Variants in HIVEP2 observed in about 807,000 individuals in gnomAD.
The protein encoded by HIVEP2 is transcription factor HIVEP2.
A neutral mutation model predicts 180.7 loss-of-function variants in HIVEP2; 14 were observed. That is an observed-to-expected ratio of 0.08 (90% confidence interval 0.05 to 0.12). The LOEUF (loss-of-function observed/expected upper bound fraction) is 0.12, where lower values mean the gene tolerates loss of function less well. HIVEP2 is among the 10% of genes least tolerant of loss of function. The pLI is 1.00. For missense variants in HIVEP2, 2,579 were observed against 3,008.5 expected (o/e 0.86, Z 3.34); for synonymous variants, 1,184 against 1,136.4 (o/e 1.04, Z -0.84).
intron 3 of HIVEP2, among the ~76,000 whole-genome samples, chr6:142,776,483 C>T (rs1207573869): frequency 2.0e-5 from 3 of 152,202 alleles, no homozygotes; most frequent in Admixed American, 2.0e-4. Flanking sequence ...TAAATGTAAT[C>T]AGCCTAGTTC....
chr6:142,841,129 A>G (rs995852288), intron 1 of HIVEP2, among the ~76,000 whole-genome samples: 3 of 152,022 alleles, frequency 2.0e-5, no homozygotes, highest in Admixed American at 2.0e-4. Context: ...TTAATTTTTT[A>G]TACATTTTTT....
At chr6:142,793,114 A>G (rs1323944491) in intron 2 of HIVEP2, among the ~76,000 whole-genome samples, 2 of 152,192 alleles carry the variant, frequency 1.3e-5, no homozygotes, top group Non-Finnish European at 2.9e-5. Context: ...CTTTTTTCTG[A>G]GTCAATAACC....
chr6:142,802,567 A>G (rs1283968783), intron 2 of HIVEP2, among the ~76,000 whole-genome samples: 1 of 152,212 alleles, frequency 6.6e-6, no homozygotes, highest in African/African-American at 2.4e-5. Flanking sequence ...TCATGTTCAC[A>G]GCTCTAATTC....
rs1415189143 is a variant in HIVEP2, at chr6:142,773,266, G to A, written c.1473C>T (p.Ser491=). Residue 491 remains serine (S), a synonymous_variant, in exon 5 of 10, where the codon AGC becomes AGT. Coordinates refer to ENST00000367603, the MANE Select transcript of HIVEP2 (RefSeq NM_006734.4). Reference sequence around the variant, plus strand: ...TGTTGAACTTAGTGGATTTCAGCATGCTCGTTTGACTGGGGTCGACATCTC... The same window carrying A: ...TGTTGAACTTAGTGGATTTCAGCATACTCGTTTGACTGGGGTCGACATCTC... The part of the protein sequence containing the change: ...SKGDVDPSQT[S]MLKSTKFNSE... 3 of 1,614,084 alleles carry A rather than the reference G, an allele frequency of 1.9e-6. No homozygotes were observed. In the African/African-American group the frequency reaches 4.0e-5, roughly 22 times the overall value.
chr6:142,811,728 A>C (rs748151561), intron 2 of HIVEP2, among the ~76,000 whole-genome samples: 1 of 152,224 alleles, frequency 6.6e-6, no homozygotes, highest in Non-Finnish European at 1.5e-5. Flanking sequence ...CCCCATGTTA[A>C]GTGTGTACAC....
chr6:142,793,663 C>CTTTCTTTCTTTCTTTCTTTTTTT (rs1303826710), intron 2 of HIVEP2, among the ~76,000 whole-genome samples: 13 of 109,470 alleles, frequency 1.2e-4, no homozygotes, highest in Admixed American at 4.5e-4. Flanking sequence ...TTTCTTTTTT[C>CTTTCTTTCTTTCTTTCTTTTTTT]TTTCTTTCTT....
Position 142,753,264 on chromosome 6 carries a change from T to C in HIVEP2, c.7184A>G (p.Asp2395Gly). 1 of 1,614,220 alleles carries C rather than the reference T, an allele frequency of 6.2e-7. No homozygotes were observed. Among genetic ancestry groups the C allele is most frequent in the Non-Finnish European group, 8.5e-7 (1 of 1,180,050 alleles). ...THPDLHDGEK[D>G]NFGTSQTPLA... is the part of the protein sequence containing the mutation. Reference sequence around the variant, plus strand: ...TGGAGTCTGTGATGTACCAAAATTGTCCTTTTCACCATCATGCAAGTCAGG... The same window carrying C: ...TGGAGTCTGTGATGTACCAAAATTGCCCTTTTCACCATCATGCAAGTCAGG... The change falls in exon 10 of 10, where the codon GAC (aspartate) becomes GGC (glycine). Residue 2395 changes from aspartate to glycine, a missense_variant. Asp to Gly is a moderately conservative substitution (Grantham distance 94). Coordinates refer to ENST00000367603, the MANE Select transcript of HIVEP2 (RefSeq NM_006734.4).
In HIVEP2 at chr6:142,757,791, A is replaced by G. The variant is rs1481090423; in HGVS notation, c.6516+1981T>C. ...TAACTTTCTGGGCATGTATCTAAAA[A>G]TCAGATGAACTCCCTTAGTCCACTC... On this transcript the variant is annotated intron_variant, in intron 9 of 9. Coordinates refer to ENST00000367603, the MANE Select transcript of HIVEP2 (RefSeq NM_006734.4). 2.0e-5 allele frequency among the ~76,000 whole-genome samples: 3 copies of G among 152,242 alleles called. 1 individual carries two copies. The highest frequency in any genetic ancestry group is 7.2e-5 in the African/African-American group (3 of 41,472).
At chr6:142,929,176 A>G (rs1231287835) in intron 1 of HIVEP2, among the ~76,000 whole-genome samples, 1 of 152,190 alleles carries the variant, frequency 6.6e-6, no homozygotes. Flanking sequence ...ATGGTATACA[A>G]TTAGCACTCC....
At chr6:142,824,914 T>C (rs910063935) in intron 2 of HIVEP2, among the ~76,000 whole-genome samples, 1 of 152,188 alleles carries the variant, frequency 6.6e-6, no homozygotes, top group Non-Finnish European at 1.5e-5. Context: ...GGCATTTCCC[T>C]ACCCGACACT....
chr6:142,889,065 T>C (rs1013815949), intron 1 of HIVEP2, among the ~76,000 whole-genome samples: 1 of 152,222 alleles, frequency 6.6e-6, no homozygotes, highest in South Asian at 2.1e-4. Flanking sequence ...TTGAGCTCCT[T>C]AAGGTCAGAG....
At chr6:142,782,720 T>C (rs915638208) in intron 3 of HIVEP2, among the ~76,000 whole-genome samples, 10 of 152,344 alleles carry the variant, frequency 6.6e-5, no homozygotes, top group African/African-American at 2.4e-4. Flanking sequence ...AATTAAAATC[T>C]AATTTGATAT....
At chr6:142,781,408 C>T (rs951412293) in intron 3 of HIVEP2, among the ~76,000 whole-genome samples, 1 of 152,166 alleles carries the variant, frequency 6.6e-6, no homozygotes, top group Non-Finnish European at 1.5e-5. Context: ...TTTGCATTCA[C>T]AGTTAAAATT....
intron 1 of HIVEP2, among the ~76,000 whole-genome samples, chr6:142,862,940 A>G (rs1776039200): frequency 7.4e-6 from 1 of 135,552 alleles, no homozygotes; most frequent in Non-Finnish European, 1.5e-5. Context: ...TGTACTTTAC[A>G]TATAATATAA....
At chr6:142,780,069 A>C (rs1338819615) in intron 3 of HIVEP2, among the ~76,000 whole-genome samples, 3 of 152,232 alleles carry the variant, frequency 2.0e-5, no homozygotes, top group Non-Finnish European at 4.4e-5. Context: ...TTAACATAGG[A>C]TCTTTCTATA....
intron 3 of HIVEP2, among the ~76,000 whole-genome samples, chr6:142,781,705 G>A (rs1161589991): frequency 6.6e-6 from 1 of 152,142 alleles, no homozygotes; most frequent in Non-Finnish European, 1.5e-5. Flanking sequence ...CTAGAAGTGT[G>A]CCCTCTCCTT....
intron 9 of HIVEP2, among the ~76,000 whole-genome samples, chr6:142,757,435 C>T (rs531242736): frequency 2.3e-4 from 35 of 152,214 alleles, no homozygotes; most frequent in East Asian, 3.9e-4. Flanking sequence ...CCGAGGCAGG[C>T]GGATCATGAG....
chr6:142,908,442 G>A (rs1452657682), intron 1 of HIVEP2, among the ~76,000 whole-genome samples: 1 of 152,086 alleles, frequency 6.6e-6, no homozygotes, highest in Admixed American at 6.6e-5. Flanking sequence ...AGTAAAATGA[G>A]TTAGTCATGC....
chr6:142,756,622 T>G (rs1349230333), intron 9 of HIVEP2, among the ~76,000 whole-genome samples: 1 of 152,102 alleles, frequency 6.6e-6, no homozygotes, highest in African/African-American at 2.4e-5. Flanking sequence ...GGACACACCT[T>G]TGTTTCTCTT....
Sources: allele counts gnomAD v4.1 joint callset (sites outside exome capture counted in the v4.1 genomes callset), GRCh38; gene constraint gnomAD v4.1.1; transcripts MANE v1.5; gene names NCBI Gene and HGNC (gene_info 2026-07-23, HGNC 2026-07-21).